CCDC7: variants seen among roughly 807,000 people sequenced by gnomAD.
CCDC7 encodes coiled-coil domain-containing protein 7.
Under a neutral mutation model 196.9 loss-of-function variants are expected in CCDC7, and 183 were observed. That is an observed-to-expected ratio of 0.93 (90% confidence interval 0.82 to 1.05). The LOEUF (loss-of-function observed/expected upper bound fraction) is 1.05. Ranked by LOEUF, CCDC7 falls within the 50% of genes least tolerant of loss-of-function variation. The pLI, the probability that CCDC7 is intolerant of heterozygous loss-of-function variation, is 0.00. For missense variants in CCDC7, 1,540 were observed against 1,482.2 expected (o/e 1.04, Z -0.64); for synonymous variants, 525 against 484.6 (o/e 1.08, Z -1.10).
downstream of CCDC7, among the ~76,000 whole-genome samples, chr10:32,879,426 G>A (rs2094709383): frequency 1.3e-5 from 2 of 152,018 alleles, no homozygotes; most frequent in South Asian, 2.1e-4. Flanking sequence ...TCGTTGCTCG[G>A]GGCGATGTGC....
intron 8 of CCDC7, among the ~76,000 whole-genome samples, chr10:32,477,212 T>TA (rs2134034584): frequency 7.2e-6 from 1 of 137,964 alleles, no homozygotes; most frequent in South Asian, 2.8e-4. Context: ...CATTTTGAGT[T>TA]AATTTTTTTT....
intron 9 of CCDC7, chr10:32,511,931 G>A (rs779383132): frequency 7.5e-5 from 43 of 575,652 alleles, no homozygotes; most frequent in Non-Finnish European, 1.1e-4. Flanking sequence ...ATAGAAACTA[G>A]GATTTTATTA....
intron 41 of CCDC7, among the ~76,000 whole-genome samples, chr10:32,861,177 C>T (rs1218773649): frequency 2.8e-5 from 4 of 141,778 alleles, no homozygotes; most frequent in Non-Finnish European, 6.1e-5. Flanking sequence ...AACTATACTA[C>T]AAGGCCACAG....
chr10:32,822,007 A>G (rs1018426474), intron 31 of CCDC7, among the ~76,000 whole-genome samples: 8 of 152,296 alleles, frequency 5.3e-5, no homozygotes. Flanking sequence ...GCTGAAAAAA[A>G]AAAATCTACC....
chr10:32,807,013 T>C (rs764903028), intron 30 of CCDC7, among the ~76,000 whole-genome samples: 25 of 152,170 alleles, frequency 1.6e-4, no homozygotes, highest in Non-Finnish European at 7.4e-5. Context: ...AAAAATCTTA[T>C]ATCCAGCAAA....
At chr10:32,779,556 C>T (rs545190765) in intron 29 of CCDC7, among the ~76,000 whole-genome samples, 13 of 152,206 alleles carry the variant, frequency 8.5e-5, no homozygotes, top group South Asian at 8.3e-4. Flanking sequence ...GTGGAAGAAG[C>T]TAGAATATGT....
intron 13 of CCDC7, among the ~76,000 whole-genome samples, chr10:32,547,847 G>C (rs1287782244): frequency 1.3e-5 from 2 of 151,994 alleles, no homozygotes; most frequent in East Asian, 1.9e-4. Context: ...GGTTACATGA[G>C]TAAGTTCTTT....
At chr10:32,861,249 G>C (rs1217898663) in intron 41 of CCDC7, among the ~76,000 whole-genome samples, 1 of 151,672 alleles carries the variant, frequency 6.6e-6, no homozygotes, top group Non-Finnish European at 1.5e-5. Flanking sequence ...ACAGAACAAA[G>C]GCCTCAGAAA....
At chr10:32,662,597 C>T (rs1006316154) in intron 20 of CCDC7, among the ~76,000 whole-genome samples, 1 of 152,086 alleles carries the variant, frequency 6.6e-6, no homozygotes, top group African/African-American at 2.4e-5. Context: ...TATTGTTGAG[C>T]AACTAGAGCC....
chr10:32,766,883 T>C (rs978474017), intron 28 of CCDC7, among the ~76,000 whole-genome samples: 1 of 152,082 alleles, frequency 6.6e-6, no homozygotes, highest in Non-Finnish European at 1.5e-5. Context: ...CTTTCAGCAA[T>C]ATGAGGTTAA....
chr10:32,448,865 T>G (rs35896231), upstream of CCDC7, among the ~76,000 whole-genome samples: 1,105 of 152,242 alleles, frequency 7.3e-3, 10 homozygotes, highest in Non-Finnish European at 0.011. Context: ...CTTATCACTA[T>G]TGATGTGTAT....
chr10:32,463,260 T>C (rs2036112403), intron 5 of CCDC7, among the ~76,000 whole-genome samples: 1 of 152,154 alleles, frequency 6.6e-6, no homozygotes, highest in South Asian at 2.1e-4. Flanking sequence ...ATATCTGGTA[T>C]ACTCCAAGTT....
chr10:32,573,442 T>C (rs1445208006), intron 16 of CCDC7, among the ~76,000 whole-genome samples: 3 of 151,932 alleles, frequency 2.0e-5, no homozygotes, highest in African/African-American at 7.3e-5. Flanking sequence ...TTAAAGAGAG[T>C]TTCTGGTCTC....
chr10:32,631,656 G>A (rs1194093516), intron 18 of CCDC7, among the ~76,000 whole-genome samples: 3 of 120,358 alleles, frequency 2.5e-5, no homozygotes, highest in African/African-American at 8.6e-5. Flanking sequence ...TTTTAGTGTT[G>A]CCTTCTCAAT....
intron 16 of CCDC7, among the ~76,000 whole-genome samples, chr10:32,579,012 T>A (rs1055687120): frequency 6.6e-6 from 1 of 152,232 alleles, no homozygotes; most frequent in Non-Finnish European, 1.5e-5. Flanking sequence ...TTGTCCCACA[T>A]TGAAAATGTG....
chr10:32,644,168 T>C (rs757362181), intron 20 of CCDC7, among the ~76,000 whole-genome samples: 23 of 152,182 alleles, frequency 1.5e-4, no homozygotes, highest in Admixed American at 7.9e-4. Flanking sequence ...TTACCATATA[T>C]ATCGCTAGAA....
intron 2 of CCDC7, 93 bp downstream of exon 3, chr10:32,453,529 G>A (rs530332403): frequency 2.4e-6 from 2 of 830,380 alleles, no homozygotes; most frequent in African/African-American, 1.8e-5. Flanking sequence ...TTCTTTTGGA[G>A]TACTTATTAT....
chr10:32,532,746 C>A (rs547003779), intron 11 of CCDC7, among the ~76,000 whole-genome samples: 53 of 152,188 alleles, frequency 3.5e-4, no homozygotes, highest in African/African-American at 1.1e-3. Flanking sequence ...TCTCTTTTTG[C>A]AATCTTAGAT....
intron 28 of CCDC7, among the ~76,000 whole-genome samples, chr10:32,751,390 A>C (rs2075633064): frequency 6.6e-6 from 1 of 152,086 alleles, no homozygotes; most frequent in Non-Finnish European, 1.5e-5. Context: ...ATGGGATCCC[A>C]AATGCCAAGA....
Sources: allele counts gnomAD v4.1 joint callset (sites outside exome capture counted in the v4.1 genomes callset), GRCh38; gene constraint gnomAD v4.1.1; transcripts MANE v1.5; gene names NCBI Gene and HGNC (gene_info 2026-07-23, HGNC 2026-07-21).